The following EPM2A variants were observed in gnomAD, a reference collection of about 807,000 sequenced individuals.
The protein encoded by EPM2A is EPM2A glucan phosphatase, laforin, also known as laforin.
In EPM2A, 21 loss-of-function variants were observed where a neutral mutation model predicts 26.5. That is an observed-to-expected ratio of 0.79 (90% CI 0.56 to 1.14). The LOEUF is 1.14. Among genes scored for constraint, EPM2A ranks in the 50% most tolerant of loss-of-function variants. The pLI is 0.00. For missense variants in EPM2A, 458 were observed against 440.8 expected, an observed-to-expected ratio of 1.04 and a Z score of -0.35; for synonymous variants, 217 against 177.6, an observed-to-expected ratio of 1.22 and a Z score of -1.76.
intron 2 of EPM2A, among the ~76,000 whole-genome samples, chr6:145,609,019 T>C (rs1282008844): frequency 6.6e-6 from 1 of 152,224 alleles, no homozygotes; most frequent in African/African-American, 2.4e-5. Flanking sequence ...TAAGACATCA[T>C]CTTAGCAAGC....
At chr6:145,549,816 A>T (rs1232194905) in intron 2 of EPM2A, among the ~76,000 whole-genome samples, 1 of 152,140 alleles carries the variant, frequency 6.6e-6, no homozygotes, top group Admixed American at 6.6e-5. Context: ...AGTGTGCAGA[A>T]GCTTTACAAA....
intron 1 of EPM2A, among the ~76,000 whole-genome samples, chr6:145,718,004 G>T (rs1357109784): frequency 6.7e-4 from 102 of 151,286 alleles, no homozygotes; most frequent in African/African-American, 2.3e-3. Context: ...CCATGCTCAT[G>T]GGTAGGAAGA....
chr6:145,536,761 T>C (rs946051341), intron 2 of EPM2A, among the ~76,000 whole-genome samples: 1 of 152,200 alleles, frequency 6.6e-6, no homozygotes, highest in Non-Finnish European at 1.5e-5. Context: ...TTCTTGGAAC[T>C]GTGGAAATAA....
At chr6:145,582,143 T>C (rs1351124542) in intron 2 of EPM2A, among the ~76,000 whole-genome samples, 1 of 152,150 alleles carries the variant, frequency 6.6e-6, no homozygotes, top group East Asian at 1.9e-4. Context: ...GTTGTATCCT[T>C]GTTTTCATTA....
chr6:145,632,607 G>A (rs374076814), intron 3 of EPM2A, among the ~76,000 whole-genome samples: 17 of 152,272 alleles, frequency 1.1e-4, no homozygotes, highest in African/African-American at 2.4e-4. Flanking sequence ...TCGATCACAC[G>A]ATTGATTATA....
intron 2 of EPM2A, among the ~76,000 whole-genome samples, chr6:145,552,699 A>G (rs1483368082): frequency 6.6e-6 from 1 of 152,106 alleles, no homozygotes; most frequent in East Asian, 1.9e-4. Context: ...AAACTATTAA[A>G]TTAATGGCTA....
chr6:145,696,681 T>C (rs932488071), intron 1 of EPM2A, among the ~76,000 whole-genome samples: 27 of 151,818 alleles, frequency 1.8e-4, no homozygotes, highest in African/African-American at 4.6e-4. Context: ...ATATATTTGA[T>C]AAGGAAGTTA....
chr6:145,483,872 C>T (rs562760679), intron 4 of EPM2A, among the ~76,000 whole-genome samples: 1 of 152,304 alleles, frequency 6.6e-6, no homozygotes, highest in African/African-American at 2.4e-5. Context: ...CTTCTGCTCA[C>T]TGGAGGCTTG....
At chr6:145,543,436 A>C (rs938307569) in intron 2 of EPM2A, among the ~76,000 whole-genome samples, 1 of 152,076 alleles carries the variant, frequency 6.6e-6, no homozygotes, top group African/African-American at 2.4e-5. Flanking sequence ...CACCCAAAAA[A>C]CCTTCTCATT....
chr6:145,457,833 A>G (rs1582770752), intron 4 of EPM2A, among the ~76,000 whole-genome samples: 1 of 152,236 alleles, frequency 6.6e-6, no homozygotes, highest in Non-Finnish European at 1.5e-5. Context: ...TTGTATTTGT[A>G]ATATGTGTCA....
At chr6:145,405,981 T>TACACACACACACACAC (rs56700058) in intron 4 of EPM2A, among the ~76,000 whole-genome samples, 15 of 146,608 alleles carry the variant, frequency 1.0e-4, no homozygotes, top group African/African-American at 3.8e-4. Context: ...TGGAGATACC[T>TACACACACACACACAC]ACACACACAC....
intron 2 of EPM2A, among the ~76,000 whole-genome samples, chr6:145,601,151 G>T (rs1781411787): frequency 1.3e-5 from 2 of 152,170 alleles, no homozygotes; most frequent in Admixed American, 6.5e-5. Context: ...ATTTATATTA[G>T]ATTTTTCCTG....
At chr6:145,466,347 C>T (rs898356299) in intron 4 of EPM2A, among the ~76,000 whole-genome samples, 2 of 152,160 alleles carry the variant, frequency 1.3e-5, no homozygotes, top group Non-Finnish European at 2.9e-5. Flanking sequence ...TGAACAGACA[C>T]TTCTCAAAGG....
chr6:145,648,404 C>G (rs1777640200), intron 2 of EPM2A, among the ~76,000 whole-genome samples: 1 of 152,180 alleles, frequency 6.6e-6, no homozygotes, highest in Admixed American at 6.5e-5. Flanking sequence ...GCCACCCATA[C>G]AATTCATCTG....
intron 2 of EPM2A, among the ~76,000 whole-genome samples, chr6:145,530,724 T>C (rs779404932): frequency 2.6e-4 from 40 of 152,298 alleles, no homozygotes; most frequent in Non-Finnish European, 5.0e-4. Context: ...ACAATCCACC[T>C]GGGAGGCAGA....
At chr6:145,393,768 G>A (rs112540854) in intron 4 of EPM2A, among the ~76,000 whole-genome samples, 2,033 of 151,958 alleles carry the variant, frequency 0.013, 31 homozygotes, top group African/African-American at 0.044. Flanking sequence ...TTTATGCTAC[G>A]GTTGTAACCA....
rs149282977 is a variant in EPM2A, at chr6:145,610,908, G to A, written c.340+24337C>T. Among the ~76,000 whole-genome samples the A allele has an allele frequency of 2.5e-3, 374 of 152,294 alleles. 4 individuals are homozygous for A. Among genetic ancestry groups the A allele is most frequent in the African/African-American group, 8.4e-3 (351 of 41,576 alleles). On this transcript the variant is annotated intron_variant, in intron 2 of 3. Coordinates refer to the EPM2A transcript ENST00000450221. ...TTTGTTAGCCTTTCTGGAAGCAACA[G>A]AAAATGGCTAGCTCATTTAAATGCC...
At chr6:145,496,415 G>GT (rs1779821225) in intron 4 of EPM2A, among the ~76,000 whole-genome samples, 2 of 152,170 alleles carry the variant, frequency 1.3e-5, no homozygotes, top group African/African-American at 4.8e-5. Flanking sequence ...ACATCTTGAA[G>GT]TAAGTTTTCC....
chr6:145,391,298 T>C (rs1450970864), intron 4 of EPM2A, among the ~76,000 whole-genome samples: 1 of 152,098 alleles, frequency 6.6e-6, no homozygotes, highest in Non-Finnish European at 1.5e-5. Context: ...CTTTTTGCAG[T>C]TTCAATACAG....
Sources: gnomAD v4.1 joint callset for allele counts (sites outside exome capture counted in the v4.1 genomes callset) on GRCh38, gnomAD v4.1.1 for gene constraint, MANE v1.5 for transcripts, NCBI Gene and HGNC (gene_info 2026-07-23, HGNC 2026-07-21) for gene names.